SLC27A2: variants seen among roughly 807,000 people sequenced by gnomAD.
SLC27A2 encodes the protein solute carrier family 27 member 2.
In SLC27A2, 54 loss-of-function variants were observed where a neutral mutation model predicts 60.0. The observed-to-expected ratio is 0.90, with a 90% CI of 0.72 to 1.13. The LOEUF (loss-of-function observed/expected upper bound fraction) is 1.13. SLC27A2 is among the 50% of genes most tolerant of loss of function. The probability of loss-of-function intolerance (pLI) is 0.00; values close to 1 mark genes in which losing one functional copy is unlikely to be tolerated. For synonymous variants in SLC27A2, 297 were observed against 297.6 expected (o/e 1.00, Z 0.02); for missense variants, 739 against 777.6 (o/e 0.95, Z 0.59).
At chr15:50,218,804 G>A (rs1381491749) in intron 4 of SLC27A2, among the ~76,000 whole-genome samples, 6 of 152,078 alleles carry the variant, frequency 3.9e-5, no homozygotes, top group African/African-American at 1.4e-4. Flanking sequence ...GGAAAACACA[G>A]GATCAAGGAA....
chr15:50,224,588 A>G (rs2045267020), intron 5 of SLC27A2, among the ~76,000 whole-genome samples: 1 of 152,214 alleles, frequency 6.6e-6, no homozygotes, highest in African/African-American at 2.4e-5. Flanking sequence ...AGGTGTTCCC[A>G]AGTTCAAGGA....
intron 1 of SLC27A2, among the ~76,000 whole-genome samples, chr15:50,192,810 A>C (rs1324915423): frequency 1.3e-5 from 2 of 150,776 alleles, no homozygotes; most frequent in African/African-American, 4.9e-5. Flanking sequence ...AAGAAGAAGA[A>C]GTACAGAAAA....
intron 7 of SLC27A2, 82 bp downstream of exon 7, chr15:50,227,260 G>A (rs2045285568): frequency 1.9e-6 from 2 of 1,063,308 alleles, no homozygotes; most frequent in Non-Finnish European, 2.8e-6. Flanking sequence ...TTCCACTTTG[G>A]TTATGGTGCA....
At chr15:50,196,392 A>G (rs544628114) in intron 1 of SLC27A2, among the ~76,000 whole-genome samples, 2 of 152,082 alleles carry the variant, frequency 1.3e-5, no homozygotes, top group South Asian at 4.2e-4. Flanking sequence ...AAACAGTGTT[A>G]TAGGAATACT....
intron 3 of SLC27A2, among the ~76,000 whole-genome samples, 161 bp from the exon 4 acceptor site, chr15:50,205,078 T>C (rs976058888): frequency 5.3e-5 from 8 of 151,982 alleles, no homozygotes; most frequent in Admixed American, 5.3e-4. Flanking sequence ...AACAAAACCA[T>C]GTCTTACTAA....
Position 50,197,602 on chromosome 15 carries a change from TC to T in SLC27A2, c.583del (p.Leu195TrpfsTer42). On this transcript the variant is annotated frameshift_variant, in exon 2 of 10. Coordinates refer to ENST00000267842, the MANE Select transcript of SLC27A2 (RefSeq NM_003645.4). LOFTEE classifies it high-confidence loss of function. ...RTSNTDGIDS[F>X]LDKVDEVSTE... is the part of the protein sequence containing the mutation. Reference sequence around the variant, plus strand: ...TCTAACACAGATGGGATTGACTCTTTCCTGGACAAAGTGGATGAAGTATCAA... The same window carrying T: ...TCTAACACAGATGGGATTGACTCTTTCTGGACAAAGTGGATGAAGTATCAA... The T allele has an allele frequency of 6.2e-7, 1 of 1,614,110 alleles. No homozygotes were observed. The highest frequency in any genetic ancestry group is 8.5e-7 in the Non-Finnish European group (1 of 1,179,982).
chr15:50,233,796 C>A, intron 8 of SLC27A2, 72 bp from the exon 9 acceptor site: 1 of 1,366,954 alleles, frequency 7.3e-7, no homozygotes, highest in South Asian at 1.5e-5. Flanking sequence ...TGTCTGAGCC[C>A]ACAGTTCTTT....
intron 1 of SLC27A2, among the ~76,000 whole-genome samples, chr15:50,193,510 G>T (rs1400064325): frequency 6.6e-6 from 1 of 152,214 alleles, no homozygotes; most frequent in Non-Finnish European, 1.5e-5. Context: ...TATGGACCCT[G>T]AGTCTCATGA....
chr15:50,196,078 AT>A (rs58065681), intron 1 of SLC27A2, among the ~76,000 whole-genome samples: 2,960 of 7,746 alleles, frequency 0.38, 911 homozygotes, highest in Non-Finnish European at 0.41. Context: ...AAAAAAAAAA[AT>A]ATATATATAT....
intron 4 of SLC27A2, among the ~76,000 whole-genome samples, chr15:50,214,406 A>G (rs1312251696): frequency 6.6e-6 from 1 of 152,180 alleles, no homozygotes; most frequent in African/African-American, 2.4e-5. Context: ...AAGAATTGGT[A>G]CCAATTCTTT....
chr15:50,188,506 G>T (rs2044943715), intron 1 of SLC27A2, among the ~76,000 whole-genome samples: 1 of 152,104 alleles, frequency 6.6e-6, no homozygotes, highest in South Asian at 2.1e-4. Context: ...TCAAGGCACA[G>T]AAATAATCTA....
chr15:50,182,681 A>C lies in SLC27A2; in HGVS notation c.254A>C (p.Asp85Ala). The change falls in exon 1 of 10, where the codon GAC becomes GCC. Residue 85 changes from aspartate (D) to alanine (A), a missense_variant. Transcript: ENST00000267842. ...GAGACTCTCACCTACGCGCAGGTGG[A>C]CCGGCGCAGCAATCAAGTGGCCCGG... ...RDETLTYAQV[D>A]RRSNQVARAL... The C allele has an allele frequency of 6.2e-7, 1 of 1,613,828 alleles. No individual in the cohort carries two copies. The highest frequency in any genetic ancestry group is 1.1e-5 in the South Asian group (1 of 91,060).
chr15:50,201,696 T>C (rs373744121), intron 2 of SLC27A2, among the ~76,000 whole-genome samples: 2 of 151,916 alleles, frequency 1.3e-5, no homozygotes, highest in Admixed American at 6.6e-5. Flanking sequence ...GCTAGGACTA[T>C]AGGCACCCAC....
At chr15:50,209,683 G>A (rs112207160) in intron 4 of SLC27A2, among the ~76,000 whole-genome samples, 158 of 152,310 alleles carry the variant, frequency 1.0e-3, no homozygotes, top group African/African-American at 3.5e-3. Flanking sequence ...TGGCTACGAT[G>A]TGAGAATACA....
intron 4 of SLC27A2, among the ~76,000 whole-genome samples, chr15:50,209,135 GGA>G (rs2045135334): frequency 6.6e-6 from 1 of 152,178 alleles, no homozygotes; most frequent in Non-Finnish European, 1.5e-5. Context: ...ATATTTGGAA[GGA>G]GAAATAATAT....
At chr15:50,209,760 T>C (rs1317348840) in intron 4 of SLC27A2, among the ~76,000 whole-genome samples, 2 of 152,114 alleles carry the variant, frequency 1.3e-5, no homozygotes, top group African/African-American at 4.8e-5. Flanking sequence ...AAGTGTAACA[T>C]ATTAATTATT....
intron 3 of SLC27A2, 130 bp downstream of exon 3, chr15:50,202,775 A>G (rs2045075473): frequency 1.2e-6 from 1 of 820,040 alleles, no homozygotes; most frequent in Non-Finnish European, 2.0e-6. Context: ...ACAATAAGGC[A>G]ATTTGAATCA....
At position 50,182,302 on chromosome 15, in the gene SLC27A2, G is replaced by C. The variant is rs1368721898; in HGVS notation, c.-126G>C. 21 of 1,310,334 alleles carry C rather than the reference G, an allele frequency of 1.6e-5. No individual in the cohort carries two copies. Among genetic ancestry groups the C allele is most frequent in the Non-Finnish European group, 2.0e-5 (21 of 1,029,842 alleles). The allele number at this position is 1,310,334 out of a possible 1,614,324, so 81.2% of individuals were successfully genotyped here. ...CTGTCTTCCCCTTCATCTCACGCGA[G>C]CCCGGCGTCCCGCCGCGTGCGCCCC... On this transcript the variant is annotated 5_prime_UTR_variant, in exon 1 of 10. Coordinates refer to ENST00000267842, the MANE Select transcript of SLC27A2 (RefSeq NM_003645.4).
intron 6 of SLC27A2, 89 bp downstream of exon 6, chr15:50,226,167 A>G: frequency 1.3e-6 from 1 of 796,958 alleles, no homozygotes. Flanking sequence ...GCCACATGGT[A>G]AAATTTATCA....
Sources: gnomAD v4.1 joint callset for allele counts (sites outside exome capture counted in the v4.1 genomes callset) on GRCh38, gnomAD v4.1.1 for gene constraint, MANE v1.5 for transcripts, NCBI Gene and HGNC (gene_info 2026-07-23, HGNC 2026-07-21) for gene names.